Variants in LRMDA observed in about 807,000 individuals in gnomAD.
LRMDA encodes the protein leucine-rich melanocyte differentiation-associated protein.
A neutral mutation model predicts 29.8 loss-of-function variants in LRMDA; 18 were observed. That is an observed-to-expected ratio of 0.60 (90% confidence interval 0.42 to 0.90). The LOEUF (loss-of-function observed/expected upper bound fraction) is 0.90. LRMDA is among the 40% of genes least tolerant of loss of function. The pLI is 0.00. For missense variants in LRMDA, 273 were observed against 273.9 expected (o/e 1.00, Z 0.02); for synonymous variants, 125 against 109.4 (o/e 1.14, Z -0.89).
chr10:75,564,468 C>T (rs1298837278), intron 2 of LRMDA, among the ~76,000 whole-genome samples: 4 of 152,256 alleles, frequency 2.6e-5, no homozygotes, highest in Non-Finnish European at 5.9e-5. Flanking sequence ...AGGGAACTCC[C>T]TGACCCCTTG....
intron 2 of LRMDA, among the ~76,000 whole-genome samples, chr10:75,511,757 T>C (rs148976980): frequency 4.6e-5 from 7 of 152,340 alleles, no homozygotes; most frequent in African/African-American, 1.7e-4. Context: ...TGTCTTTTTC[T>C]TCTGTTCCCT....
chr10:76,352,205 A>C (rs1332918063), intron 6 of LRMDA, among the ~76,000 whole-genome samples: 1 of 152,174 alleles, frequency 6.6e-6, no homozygotes, highest in Non-Finnish European at 1.5e-5. Context: ...GCCTGAAACC[A>C]TGGAGAGTAC....
At chr10:76,148,409 A>C (rs1850372343) in intron 5 of LRMDA, among the ~76,000 whole-genome samples, 1 of 151,812 alleles carries the variant, frequency 6.6e-6, no homozygotes, top group African/African-American at 2.4e-5. Context: ...CCCTCCCCCA[A>C]CCTCGCTGCC....
intron 2 of LRMDA, among the ~76,000 whole-genome samples, chr10:76,007,157 T>TA (rs1470289264): frequency 6.6e-6 from 1 of 152,144 alleles, no homozygotes; most frequent in Non-Finnish European, 1.5e-5. Flanking sequence ...TTCGACAGTC[T>TA]AAAGTGCTCA....
chr10:76,532,605 A>G (rs539599621), intron 6 of LRMDA, among the ~76,000 whole-genome samples: 1 of 152,322 alleles, frequency 6.6e-6, no homozygotes, highest in South Asian at 2.1e-4. Context: ...TAGTGCACAG[A>G]AAGAGAAAAC....
chr10:76,217,515 T>TTACAAGGAAC (rs1301531554), intron 5 of LRMDA, among the ~76,000 whole-genome samples: 1 of 152,168 alleles, frequency 6.6e-6, no homozygotes, highest in African/African-American at 2.4e-5. Context: ...CCAGAGTTCC[T>TTACAAGGAAC]TGTAGATACA....
chr10:76,191,614 G>C (rs936456913), intron 5 of LRMDA, among the ~76,000 whole-genome samples: 2 of 152,284 alleles, frequency 1.3e-5, no homozygotes, highest in East Asian at 3.9e-4. Context: ...GCTTCTAAAT[G>C]TCAGATTTCT....
chr10:75,520,004 G>T (rs1455372068), intron 2 of LRMDA, among the ~76,000 whole-genome samples: 3 of 152,128 alleles, frequency 2.0e-5, no homozygotes, highest in Non-Finnish European at 1.5e-5. Context: ...TTGAATATTG[G>T]CCCCCACTGT....
intron 2 of LRMDA, among the ~76,000 whole-genome samples, chr10:75,788,054 A>T (rs562863814): frequency 6.6e-6 from 1 of 152,130 alleles, no homozygotes; most frequent in Non-Finnish European, 1.5e-5. Flanking sequence ...AACAAAAATT[A>T]GCTGGACGTG....
At chr10:75,825,646 A>T (rs1192974944) in intron 2 of LRMDA, among the ~76,000 whole-genome samples, 2 of 152,210 alleles carry the variant, frequency 1.3e-5, no homozygotes, top group African/African-American at 4.8e-5. Context: ...TATCTATTGC[A>T]CATTGAACAT....
intron 2 of LRMDA, among the ~76,000 whole-genome samples, chr10:75,624,929 A>C (rs1285647163): frequency 1.3e-5 from 2 of 152,236 alleles, no homozygotes; most frequent in Non-Finnish European, 2.9e-5. Flanking sequence ...CTTGTGGGCC[A>C]TGAAAAAGCC....
chr10:76,473,764 G>A (rs181406174), intron 6 of LRMDA, among the ~76,000 whole-genome samples: 2 of 151,624 alleles, frequency 1.3e-5, no homozygotes, highest in Admixed American at 1.3e-4. Flanking sequence ...AAGAGTAAAA[G>A]ACTTAGAAAT....
chr10:75,997,888 C>T (rs1481429726), intron 2 of LRMDA, among the ~76,000 whole-genome samples: 2 of 152,192 alleles, frequency 1.3e-5, no homozygotes, highest in African/African-American at 4.8e-5. Flanking sequence ...TGGGCTTTTC[C>T]TCTCCCCCTC....
At chr10:76,514,947 CT>C (rs1183064701) in intron 6 of LRMDA, among the ~76,000 whole-genome samples, 1 of 152,084 alleles carries the variant, frequency 6.6e-6, no homozygotes, top group Non-Finnish European at 1.5e-5. Flanking sequence ...AAGTTCTTGC[CT>C]ATAAAACTGC....
chr10:76,383,895 C>A (rs181527142), intron 6 of LRMDA, among the ~76,000 whole-genome samples: 2 of 152,196 alleles, frequency 1.3e-5, no homozygotes, highest in Non-Finnish European at 1.5e-5. Context: ...ACCAGCTACC[C>A]ACCAGTCACT....
intron 5 of LRMDA, among the ~76,000 whole-genome samples, chr10:76,151,122 C>A (rs760644751): frequency 6.6e-6 from 1 of 152,278 alleles, no homozygotes; most frequent in African/African-American, 2.4e-5. Flanking sequence ...CTCAAGGGGG[C>A]TCCTCCAACC....
In LRMDA at chr10:76,066,927, T is replaced by G. The variant is rs576005931; in HGVS notation, c.516+8144T>G. Among the ~76,000 whole-genome samples, 2 of 152,234 alleles carry G rather than the reference T, an allele frequency of 1.3e-5. 1 individual carries two copies. Among genetic ancestry groups the G allele is most frequent in the South Asian group, 4.2e-4 (2 of 4,814 alleles). ...GCTCTGTGCAGAGCAGGTGCTTTGG[T>G]GATGTGGAAATCTGTGCAACAGCAG... On this transcript the variant is annotated intron_variant, in intron 5 of 6. Coordinates refer to ENST00000611255, the MANE Select transcript of LRMDA (RefSeq NM_001305581.2).
At chr10:75,751,826 A>G (rs1589187696) in intron 2 of LRMDA, among the ~76,000 whole-genome samples, 1 of 152,286 alleles carries the variant, frequency 6.6e-6, no homozygotes, top group South Asian at 2.1e-4. Context: ...GTAGTACCTT[A>G]GTGGAGGCCT....
At chr10:76,522,500 CA>C (rs1437502193) in intron 6 of LRMDA, among the ~76,000 whole-genome samples, 3 of 152,162 alleles carry the variant, frequency 2.0e-5, no homozygotes, top group Non-Finnish European at 4.4e-5. Flanking sequence ...ATGAATCAAT[CA>C]CTCTGCAAAT....
Sources: allele counts gnomAD v4.1 joint callset (sites outside exome capture counted in the v4.1 genomes callset), GRCh38; gene constraint gnomAD v4.1.1; transcripts MANE v1.5; gene names NCBI Gene and HGNC (gene_info 2026-07-23, HGNC 2026-07-21).